The following MKLN1 variants were observed in gnomAD, a reference collection of about 807,000 sequenced individuals.
The protein encoded by MKLN1 is muskelin 1, also known as muskelin.
Under a neutral mutation model 99.0 loss-of-function variants are expected in MKLN1, and 18 were observed. That is an observed-to-expected ratio of 0.18 (90% CI 0.13 to 0.27). The LOEUF (loss-of-function observed/expected upper bound fraction) is 0.27. MKLN1 is among the 10% of genes least tolerant of loss of function. The pLI, the probability that MKLN1 is intolerant of heterozygous loss-of-function variation, is 1.00. For synonymous variants in MKLN1, 288 were observed against 293.2 expected (o/e 0.98, Z 0.18); for missense variants, 621 against 875.9 (o/e 0.71, Z 3.67).
At chr7:131,128,954 G>A (rs1041214780) in intron 1 of MKLN1, among the ~76,000 whole-genome samples, 1 of 144,004 alleles carries the variant, frequency 6.9e-6, no homozygotes, top group Admixed American at 7.4e-5. Context: ...GCCCAAGCTA[G>A]AGATTCTAGG....
At chr7:131,416,091 C>T (rs1031383547) in intron 8 of MKLN1, among the ~76,000 whole-genome samples, 4 of 152,136 alleles carry the variant, frequency 2.6e-5, no homozygotes, top group African/African-American at 9.7e-5. Context: ...CTACCATGTC[C>T]GGCCCACCCT....
chr7:131,159,833 G>T (rs1017024457), intron 2 of MKLN1, among the ~76,000 whole-genome samples: 1 of 152,052 alleles, frequency 6.6e-6, no homozygotes, highest in African/African-American at 2.4e-5. Context: ...AAATTCTCCT[G>T]AGCACTTTAC....
intron 11 of MKLN1, among the ~76,000 whole-genome samples, chr7:131,444,751 T>A (rs370915302): frequency 0.011 from 647 of 61,076 alleles, 1 homozygote; most frequent in East Asian, 0.019. Flanking sequence ...GTAGTAGTAG[T>A]AGTAGTAGAA....
At chr7:131,450,999 G>C (rs577298025) in intron 12 of MKLN1, among the ~76,000 whole-genome samples, 47 of 152,240 alleles carry the variant, frequency 3.1e-4, no homozygotes, top group African/African-American at 1.1e-3. Context: ...AACTAAATTA[G>C]ACTGTTCAGA....
At chr7:131,486,310 T>TAA (rs1261629564) in intron 17 of MKLN1, among the ~76,000 whole-genome samples, 1 of 151,922 alleles carries the variant, frequency 6.6e-6, no homozygotes, top group African/African-American at 2.4e-5. Context: ...CGTTCAGAGA[T>TAA]AACCTTTGTT....
chr7:131,224,429 C>G (rs548262813), intron 3 of MKLN1, among the ~76,000 whole-genome samples: 5 of 152,074 alleles, frequency 3.3e-5, no homozygotes. Context: ...GCCTGTAATC[C>G]CAGCTACTGG....
chr7:131,352,348 A>G (rs942597452), intron 1 of MKLN1, among the ~76,000 whole-genome samples: 2 of 152,206 alleles, frequency 1.3e-5, no homozygotes, highest in Admixed American at 1.3e-4. Flanking sequence ...TTCAGAGTGC[A>G]TAATTGGAAA....
At chr7:131,248,544 T>C (rs911683899) in intron 3 of MKLN1, among the ~76,000 whole-genome samples, 21 of 152,206 alleles carry the variant, frequency 1.4e-4, no homozygotes, top group Non-Finnish European at 2.4e-4. Context: ...TTTGCTTACT[T>C]ACTGTAGGGG....
intron 17 of MKLN1, among the ~76,000 whole-genome samples, chr7:131,485,128 A>G (rs575447856): frequency 6.6e-6 from 1 of 152,226 alleles, no homozygotes; most frequent in South Asian, 2.1e-4. Context: ...ATTTGGATAT[A>G]TACCAGAAAG....
At chr7:131,112,397 A>G (rs1563218819) in intron 1 of MKLN1, among the ~76,000 whole-genome samples, 1 of 152,236 alleles carries the variant, frequency 6.6e-6, no homozygotes, top group Non-Finnish European at 1.5e-5. Context: ...CCTTGAGGGA[A>G]ATGATGGGAA....
At chr7:131,370,777 A>G (rs1308354649) in intron 1 of MKLN1, among the ~76,000 whole-genome samples, 1 of 152,142 alleles carries the variant, frequency 6.6e-6, no homozygotes, top group Non-Finnish European at 1.5e-5. Context: ...ATACTTATGC[A>G]GTTGATGCCT....
In MKLN1 at chr7:131,381,774, T is replaced by A. The variant is rs182114583; in HGVS notation, c.169-5346T>A. ...GAAAATAATTGTTTTCTTTTTTTTG[T>A]CCTCTCATCTCCTTCTCTCTAGTAA... On this transcript the variant is annotated intron_variant, in intron 2 of 17. Coordinates refer to ENST00000352689, the MANE Select transcript of MKLN1 (RefSeq NM_013255.5). Among the ~76,000 whole-genome samples, 8 of 152,236 alleles carry A rather than the reference T, an allele frequency of 5.3e-5. No individual in the cohort carries two copies. The East Asian group carries it at 1.5e-3, about 29-fold the overall frequency.
intron 10 of MKLN1, among the ~76,000 whole-genome samples, chr7:131,438,612 G>T (rs765985429): frequency 4.4e-4 from 67 of 151,402 alleles, no homozygotes; most frequent in Non-Finnish European, 7.5e-4. Flanking sequence ...CATTATCATT[G>T]TTACCTGTCT....
At chr7:131,249,393 G>A (rs1479141805) in intron 3 of MKLN1, among the ~76,000 whole-genome samples, 5 of 152,242 alleles carry the variant, frequency 3.3e-5, no homozygotes, top group Non-Finnish European at 7.3e-5. Context: ...TCTGGAGGAT[G>A]ATTGGCACCC....
intron 3 of MKLN1, among the ~76,000 whole-genome samples, chr7:131,245,761 TG>T (rs1797478128): frequency 6.6e-6 from 1 of 152,214 alleles, no homozygotes; most frequent in Non-Finnish European, 1.5e-5. Context: ...TCTAGGTTTG[TG>T]TAAGTGCACT....
chr7:131,144,622 C>T (rs1405603844), intron 2 of MKLN1, among the ~76,000 whole-genome samples: 1 of 152,068 alleles, frequency 6.6e-6, no homozygotes, highest in African/African-American at 2.4e-5. Context: ...GCTGGGGTTA[C>T]AAGTACATTT....
intron 2 of MKLN1, among the ~76,000 whole-genome samples, chr7:131,192,078 CATATATATT>C (rs1265815222): frequency 2.0e-4 from 17 of 84,088 alleles, no homozygotes; most frequent in Admixed American, 4.5e-4. Flanking sequence ...TATATATATA[CATATATATT>C]ATATATATAT....
chr7:131,346,396 C>A (rs912319642), intron 1 of MKLN1, among the ~76,000 whole-genome samples: 21 of 152,048 alleles, frequency 1.4e-4, no homozygotes, highest in African/African-American at 4.8e-4. Context: ...ATGGTGCACA[C>A]CTGTAATCCC....
At chr7:131,376,642 A>G (rs1369395536) in intron 2 of MKLN1, among the ~76,000 whole-genome samples, 1 of 146,044 alleles carries the variant, frequency 6.8e-6, no homozygotes, top group Non-Finnish European at 1.5e-5. Context: ...CTCTGTCTCA[A>G]AAAAAAAAAA....
Sources: gnomAD v4.1 joint callset for allele counts (sites outside exome capture counted in the v4.1 genomes callset) on GRCh38, gnomAD v4.1.1 for gene constraint, MANE v1.5 for transcripts, NCBI Gene and HGNC (gene_info 2026-07-23, HGNC 2026-07-21) for gene names.